The following ACER3 variants were observed in gnomAD, a reference collection of about 807,000 sequenced individuals.
ACER3 encodes the protein alkaline ceramidase 3, also known as alkCDase 3.
ACER3 carries 16 observed loss-of-function variants against 48.9 expected under a neutral mutation model. That is an observed-to-expected ratio of 0.33 (90% CI 0.22 to 0.50). The LOEUF (loss-of-function observed/expected upper bound fraction) is 0.50. Among genes scored for constraint, ACER3 ranks in the 20% least tolerant of loss-of-function variants. The probability of loss-of-function intolerance (pLI) is 0.98; values close to 1 mark genes in which losing one functional copy is unlikely to be tolerated. For missense variants in ACER3, 227 were observed against 326.0 expected, an observed-to-expected ratio of 0.70 and a Z score of 2.34; for synonymous variants, 109 against 107.8, an observed-to-expected ratio of 1.01 and a Z score of -0.07.
intron 1 of ACER3, among the ~76,000 whole-genome samples, chr11:76,883,234 T>G (rs568800820): frequency 3.6e-4 from 55 of 152,194 alleles, no homozygotes; most frequent in Non-Finnish European, 3.2e-4. Context: ...CGTATTTTTC[T>G]GAGGGGGAAT....
chr11:76,931,513 G>A (rs1946997965), intron 2 of ACER3, among the ~76,000 whole-genome samples: 1 of 152,178 alleles, frequency 6.6e-6, no homozygotes. Context: ...TCATTATGAT[G>A]TTAGCTGGTT....
At chr11:76,968,394 T>A (rs1948196586) in intron 3 of ACER3, among the ~76,000 whole-genome samples, 1 of 151,974 alleles carries the variant, frequency 6.6e-6, no homozygotes. Context: ...TTGAATGCAA[T>A]CCCCATCAAG....
chr11:76,944,350 G>A (rs752738601), intron 2 of ACER3, among the ~76,000 whole-genome samples: 6 of 152,004 alleles, frequency 3.9e-5, no homozygotes, highest in Non-Finnish European at 5.9e-5. Context: ...TTGACCTTTC[G>A]TTTCCATGTT....
intron 1 of ACER3, among the ~76,000 whole-genome samples, chr11:76,906,807 C>A (rs572684910): frequency 1.3e-5 from 2 of 152,152 alleles, no homozygotes; most frequent in African/African-American, 4.8e-5. Context: ...GCAGTCCCCC[C>A]ACCTTGGCCT....
At chr11:76,935,122 A>T (rs952126122) in intron 2 of ACER3, among the ~76,000 whole-genome samples, 1 of 152,170 alleles carries the variant, frequency 6.6e-6, no homozygotes, top group African/African-American at 2.4e-5. Flanking sequence ...AGTGTGCTTG[A>T]GGGAGAGTAG....
rs184008285 is a variant in ACER3, at chr11:76,960,612, G to T, written c.267+1581G>T. 2.0e-4 allele frequency among the ~76,000 whole-genome samples: 31 copies of T among 152,254 alleles called. No homozygotes were observed. In the East Asian group the frequency reaches 5.0e-3, roughly 25 times the overall value. On this transcript the variant is annotated intron_variant, in intron 3 of 10. Coordinates refer to ENST00000532485, the MANE Select transcript of ACER3 (RefSeq NM_018367.7). ...GCCACATTGGAGTGTCAAAACCTGA[G>T]TGTGGCTTATAGGATAGCCACATGG...
chr11:76,867,596 T>A (rs531122248), intron 1 of ACER3, among the ~76,000 whole-genome samples: 2 of 151,994 alleles, frequency 1.3e-5, no homozygotes, highest in Non-Finnish European at 2.9e-5. Context: ...AAAAACATAT[T>A]TGATCATGGA....
At chr11:76,883,764 G>A (rs1022206869) in intron 1 of ACER3, among the ~76,000 whole-genome samples, 4 of 152,054 alleles carry the variant, frequency 2.6e-5, no homozygotes, top group Non-Finnish European at 5.9e-5. Flanking sequence ...TTTTTAACTT[G>A]TTTAGCAATT....
chr11:76,862,510 C>T (rs1464960830), intron 1 of ACER3, among the ~76,000 whole-genome samples: 1 of 152,188 alleles, frequency 6.6e-6, no homozygotes, highest in Admixed American at 6.5e-5. Flanking sequence ...ATCACTTTGG[C>T]AAGCCCATGC....
intron 2 of ACER3, among the ~76,000 whole-genome samples, chr11:76,930,822 C>T (rs1946978963): frequency 6.6e-6 from 1 of 152,066 alleles, no homozygotes; most frequent in African/African-American, 2.4e-5. Context: ...GCACTGTGGT[C>T]TGAGAGACAG....
intron 2 of ACER3, among the ~76,000 whole-genome samples, chr11:76,948,176 A>T (rs193116034): frequency 6.7e-6 from 1 of 148,790 alleles, no homozygotes; most frequent in Non-Finnish European, 1.5e-5. Flanking sequence ...TGGTATTACC[A>T]TTCTGTTATT....
At chr11:76,985,992 A>G (rs1948678599) in intron 5 of ACER3, among the ~76,000 whole-genome samples, 1 of 152,244 alleles carries the variant, frequency 6.6e-6, no homozygotes, top group Admixed American at 6.5e-5. Flanking sequence ...GGGAAAAATT[A>G]ATTTTTCTCA....
At chr11:76,953,427 G>T (rs942829418) in intron 2 of ACER3, among the ~76,000 whole-genome samples, 1 of 152,040 alleles carries the variant, frequency 6.6e-6, no homozygotes, top group Non-Finnish European at 1.5e-5. Context: ...GCAAAACCCT[G>T]TCTCTACTAA....
chr11:76,965,370 T>C (rs1402313892), intron 3 of ACER3, among the ~76,000 whole-genome samples: 2 of 151,360 alleles, frequency 1.3e-5, no homozygotes, highest in Admixed American at 6.6e-5. Flanking sequence ...TGGAACCAAG[T>C]TGGAAAACAC....
chr11:76,919,205 C>T (rs1470183890), intron 1 of ACER3, among the ~76,000 whole-genome samples: 1 of 152,132 alleles, frequency 6.6e-6, no homozygotes, highest in African/African-American at 2.4e-5. Context: ...ATTGTTTATC[C>T]AGTCACCTCA....
chr11:76,954,535 T>G (rs1316151977), intron 2 of ACER3, among the ~76,000 whole-genome samples: 1 of 152,104 alleles, frequency 6.6e-6, no homozygotes, highest in African/African-American at 2.4e-5. Flanking sequence ...TTTGCATTGA[T>G]TCTCATAGCT....
intron 2 of ACER3, among the ~76,000 whole-genome samples, chr11:76,953,933 T>C (rs1337606617): frequency 1.4e-5 from 2 of 147,040 alleles, no homozygotes; most frequent in Non-Finnish European, 3.0e-5. Flanking sequence ...GATTTTAACA[T>C]CGCTTTAAAA....
intron 1 of ACER3, among the ~76,000 whole-genome samples, chr11:76,874,401 G>C (rs1945315227): frequency 1.4e-5 from 1 of 70,956 alleles, no homozygotes; most frequent in South Asian, 3.6e-4. Context: ...ATAAAAATAA[G>C]TTAAAAAAAA....
At chr11:76,879,912 TAA>T (rs1945480024) in intron 1 of ACER3, among the ~76,000 whole-genome samples, 1 of 152,296 alleles carries the variant, frequency 6.6e-6, no homozygotes, top group Middle Eastern at 3.4e-3. Context: ...TTCAGGTTTT[TAA>T]GTTGTGTTTT....
Sources: gnomAD v4.1 joint callset for allele counts (sites outside exome capture counted in the v4.1 genomes callset) on GRCh38, gnomAD v4.1.1 for gene constraint, MANE v1.5 for transcripts, NCBI Gene and HGNC (gene_info 2026-07-23, HGNC 2026-07-21) for gene names.